LUC7L: variants seen among roughly 807,000 people sequenced by gnomAD.
LUC7L encodes putative RNA-binding protein Luc7-like 1.
A neutral mutation model predicts 51.1 loss-of-function variants in LUC7L; 29 were observed. The observed-to-expected ratio is 0.57, with a 90% CI of 0.42 to 0.77. The LOEUF is 0.77. Ranked by LOEUF, LUC7L falls within the 30% of genes least tolerant of loss-of-function variation. The pLI, the probability that LUC7L is intolerant of heterozygous loss-of-function variation, is 0.00. For synonymous variants in LUC7L, 181 were observed against 180.7 expected (o/e 1.00, Z -0.01); for missense variants, 403 against 511.9 (o/e 0.79, Z 2.05).
intron 3 of LUC7L, among the ~76,000 whole-genome samples, chr16:210,976 G>A (rs530568684): frequency 1.5e-4 from 22 of 151,124 alleles, no homozygotes; most frequent in East Asian, 7.8e-4. Context: ...GCATGAACCC[G>A]GGAGGTAGAG....
At position 190,582 on chromosome 16, in the gene LUC7L, A is replaced by C; in HGVS notation, c.777-12T>G. On this transcript the variant is annotated splice_polypyrimidine_tract_variant and intron_variant, in intron 7 of 9. Transcript: ENST00000293872. ...TTCTTGATCCCGACCTAAAAGGGGGAAAAAAAGATGAACAAGGCCAGGCAT... is the reference window on the plus strand; with the variant it reads ...TTCTTGATCCCGACCTAAAAGGGGGCAAAAAAGATGAACAAGGCCAGGCAT... The C allele has an allele frequency of 6.2e-7, 1 of 1,606,514 alleles. No homozygotes were observed. Among genetic ancestry groups the C allele is most frequent in the Non-Finnish European group, 8.5e-7 (1 of 1,174,704 alleles).
chr16:223,378 T>TA (rs948659817), intron 2 of LUC7L, among the ~76,000 whole-genome samples: 3 of 151,728 alleles, frequency 2.0e-5, no homozygotes, highest in Non-Finnish European at 4.4e-5. Flanking sequence ...AAATAATAGA[T>TA]AAAAAAAGAA....
At chr16:224,159 A>G (rs541341314) in intron 2 of LUC7L, among the ~76,000 whole-genome samples, 74 of 152,340 alleles carry the variant, frequency 4.9e-4, no homozygotes, top group Admixed American at 1.5e-3. Flanking sequence ...GAAGTACAAC[A>G]AAGTATGAAG....
intron 2 of LUC7L, among the ~76,000 whole-genome samples, chr16:225,206 G>A (rs1411907545): frequency 6.6e-6 from 1 of 152,054 alleles, no homozygotes; most frequent in Admixed American, 6.6e-5. Flanking sequence ...ACACAGTTCT[G>A]GCCGGGCGCA....
intron 1 of LUC7L, 91 bp from the exon 2 acceptor site, chr16:227,427 AGACTATC>A: frequency 1.3e-6 from 2 of 1,520,190 alleles, no homozygotes; most frequent in Non-Finnish European, 1.8e-6. Context: ...GATGATTTGC[AGACTATC>A]ATTTCTGTGT....
At chr16:225,622 G>A (rs999138775) in intron 2 of LUC7L, among the ~76,000 whole-genome samples, 1 of 150,276 alleles carries the variant, frequency 6.7e-6, no homozygotes, top group East Asian at 2.0e-4. Context: ...GAGTAGCTGG[G>A]ATTACAGGCA....
At chr16:212,661 T>C (rs1007149419) in intron 3 of LUC7L, among the ~76,000 whole-genome samples, 2 of 152,178 alleles carry the variant, frequency 1.3e-5, no homozygotes, top group East Asian at 1.9e-4. Flanking sequence ...TATGTTGTTT[T>C]GAAAACTTTT....
intron 1 of LUC7L, chr16:228,877 T>C (rs2142131778): frequency 7.6e-7 from 1 of 1,314,136 alleles, no homozygotes; most frequent in Admixed American, 2.3e-5. Flanking sequence ...CTCCCTCGGG[T>C]GTAGCTTCTT....
At chr16:215,083 CTTTT>C (rs1000576118) in intron 3 of LUC7L, among the ~76,000 whole-genome samples, 1 of 151,986 alleles carries the variant, frequency 6.6e-6, no homozygotes, top group African/African-American at 2.4e-5. Context: ...TGTATTACAT[CTTTT>C]TTTTCCTCTT....
At chr16:228,667 G>T in intron 1 of LUC7L, 1 of 1,183,096 alleles carries the variant, frequency 8.5e-7, no homozygotes, top group Non-Finnish European at 1.1e-6. Flanking sequence ...CAACCATCAT[G>T]ATCTTGAGCT....
Position 189,040 on chromosome 16 carries a change from C to A in LUC7L, c.*158G>T. 1 of 794,828 alleles carries A rather than the reference C, an allele frequency of 1.3e-6. No homozygotes were observed. The highest frequency in any genetic ancestry group is 2.0e-6 in the Non-Finnish European group (1 of 503,820). The allele number at this position is 794,828 out of a possible 1,614,324, so 49.2% of individuals were successfully genotyped here. ...ATTCCTACTCAACATGACCCGGGAA[C>A]ACAGGAGCAACTCTGTACACTTCTA... On this transcript the variant is annotated 3_prime_UTR_variant, in exon 10 of 10. Coordinates refer to ENST00000293872, the MANE Select transcript of LUC7L (RefSeq NM_201412.3).
intron 5 of LUC7L, among the ~76,000 whole-genome samples, chr16:203,029 T>C (rs1052223409): frequency 1.3e-5 from 2 of 152,064 alleles, no homozygotes; most frequent in African/African-American, 2.4e-5. Context: ...CAGGCACCTG[T>C]AATCTCAGCT....
At position 206,000 on chromosome 16, in the gene LUC7L, C is replaced by G; in HGVS notation, c.510+4G>C. On this transcript the variant is annotated splice_donor_region_variant and intron_variant, in intron 5 of 9. Coordinates refer to ENST00000293872, the MANE Select transcript of LUC7L (RefSeq NM_201412.3). ...TCTTGCCCTAAGGCACTTATCTCAC[C>G]AACCTCAGCTTCTTTTTTCTTCGCA... 1 of 1,608,484 alleles carries G rather than the reference C, an allele frequency of 6.2e-7. No homozygotes were observed. Among genetic ancestry groups the G allele is most frequent in the South Asian group, 1.1e-5 (1 of 89,410 alleles).
chr16:201,058 T>C (rs866511777), intron 5 of LUC7L, among the ~76,000 whole-genome samples: 2 of 150,634 alleles, frequency 1.3e-5, no homozygotes, highest in Non-Finnish European at 2.9e-5. Context: ...TAATCCCAGC[T>C]ACTCGGGAGG....
At chr16:223,699 T>C (rs1466986361) in intron 2 of LUC7L, among the ~76,000 whole-genome samples, 5 of 151,742 alleles carry the variant, frequency 3.3e-5, no homozygotes, top group African/African-American at 4.8e-5. Flanking sequence ...AGGCGGAGTC[T>C]CACTCTGTCG....
chr16:219,988 AAC>A (rs763490694), intron 3 of LUC7L, among the ~76,000 whole-genome samples: 3 of 152,224 alleles, frequency 2.0e-5, no homozygotes, highest in African/African-American at 7.2e-5. Flanking sequence ...GCAAAAATTA[AAC>A]AGTCTGATAA....
At chr16:206,917 T>C (rs1269478949) in intron 4 of LUC7L, among the ~76,000 whole-genome samples, 1 of 113,478 alleles carries the variant, frequency 8.8e-6, no homozygotes, top group Non-Finnish European at 1.9e-5. Context: ...AAAAAAAAGA[T>C]GGCTGGGTGC....
At chr16:193,527 C>CA (rs1308120615) in intron 6 of LUC7L, among the ~76,000 whole-genome samples, 6 of 151,942 alleles carry the variant, frequency 3.9e-5, no homozygotes, top group Admixed American at 6.6e-5. Flanking sequence ...TTTCCTGAGA[C>CA]AGAGTCCGCC....
At chr16:193,243 T>C (rs750618977) in intron 6 of LUC7L, among the ~76,000 whole-genome samples, 1 of 150,260 alleles carries the variant, frequency 6.7e-6, no homozygotes, top group Non-Finnish European at 1.5e-5. Context: ...CCACCTCGAG[T>C]TCAACCTATT....
Sources: allele counts gnomAD v4.1 joint callset (sites outside exome capture counted in the v4.1 genomes callset), GRCh38; gene constraint gnomAD v4.1.1; transcripts MANE v1.5; gene names NCBI Gene and HGNC (gene_info 2026-07-23, HGNC 2026-07-21).